URB1: variants seen among roughly 807,000 people sequenced by gnomAD.
URB1 encodes URB1 ribosome biogenesis factor.
Under a neutral mutation model 242.3 loss-of-function variants are expected in URB1, and 197 were observed. The ratio of observed to expected loss-of-function variants is 0.81; its 90% CI spans 0.72 to 0.91. URB1 has a LOEUF of 0.91. URB1 is among the 40% of genes least tolerant of loss of function. URB1 has a pLI of 0.00. For missense variants in URB1, 2,721 were observed against 2,860.5 expected (o/e 0.95, Z 1.11); for synonymous variants, 1,153 against 1,201.8 (o/e 0.96, Z 0.84).
At chr21:32,386,324 T>A (rs1239671845) in intron 1 of URB1, among the ~76,000 whole-genome samples, 7 of 152,150 alleles carry the variant, frequency 4.6e-5, no homozygotes, top group Admixed American at 4.6e-4. Context: ...CCTCTCTGCA[T>A]GTGGATAGAG....
intron 15 of URB1, among the ~76,000 whole-genome samples, chr21:32,355,858 A>G (rs1275768073): frequency 1.3e-5 from 2 of 152,120 alleles, no homozygotes; most frequent in Non-Finnish European, 2.9e-5. Context: ...TGATCTGCCT[A>G]CCTTGGCCTC....
chr21:32,312,954 T>C lies in URB1; in HGVS notation c.*1964A>G, dbSNP rs1024173123. ...TGAGATTCCCTTCCTCCACACTAAG[T>C]GACTGGAAAATACACGAACAAGGTC... On this transcript the variant is annotated 3_prime_UTR_variant, in exon 39 of 39. Transcript: ENST00000382751. The C allele has an allele frequency of 6.6e-6, 1 of 152,242 alleles. No homozygotes were observed. The highest frequency in any genetic ancestry group is 2.4e-5 in the African/African-American group (1 of 41,522). 9.4% of individuals were successfully genotyped at this position (152,242 alleles called of 1,614,324 possible).
In URB1 at chr21:32,324,473, T is replaced by C. The variant is rs200023928; in HGVS notation, c.5233+18A>G. On this transcript the variant is annotated intron_variant, in intron 32 of 38. Coordinates refer to ENST00000382751, the MANE Select transcript of URB1 (RefSeq NM_014825.3). ...TCAGCTTTTCAATTTCCCCTCAACC[T>C]AATTATGTCAGTGGTACCTGGTTTC... 822 of 1,542,040 alleles carry C rather than the reference T, an allele frequency of 5.3e-4. 4 individuals carry two copies. Among genetic ancestry groups the C allele is most frequent in the Non-Finnish European group, 3.9e-4 (443 of 1,138,006 alleles).
In URB1 at chr21:32,339,015, G is replaced by C. The variant is rs1310143896; in HGVS notation, c.4317-115C>G. On this transcript the variant is annotated intron_variant, in intron 25 of 38. Coordinates refer to ENST00000382751, the MANE Select transcript of URB1 (RefSeq NM_014825.3). ...TATTTATTTATTTATTTTTGAGATG[G>C]AGTCTCATTCATTCTATTGCCCAGG... The C allele has an allele frequency of 1.3e-5, 15 of 1,130,660 alleles. No homozygotes were observed. In the East Asian group the frequency reaches 4.0e-4, roughly 30 times the overall value. 70.0% of individuals were successfully genotyped at this position (1,130,660 alleles called of 1,614,324 possible).
At chr21:32,385,475 T>C (rs1327543887) in intron 2 of URB1, 70 bp downstream of exon 2, 22 of 1,503,306 alleles carry the variant, frequency 1.5e-5, no homozygotes, top group Non-Finnish European at 1.9e-5. Flanking sequence ...CTATCACATT[T>C]TTCCTCATCA....
chr21:32,386,920 G>T (rs569450511), intron 1 of URB1, among the ~76,000 whole-genome samples: 2 of 152,168 alleles, frequency 1.3e-5, no homozygotes, highest in Non-Finnish European at 2.9e-5. Flanking sequence ...TCCACGAACT[G>T]GATGATTCCT....
chr21:32,379,970 C>T (rs1359523053), intron 4 of URB1, among the ~76,000 whole-genome samples: 1 of 150,712 alleles, frequency 6.6e-6, no homozygotes, highest in African/African-American at 2.4e-5. Flanking sequence ...CAGAGCGAGA[C>T]TCCATCTCAA....
In URB1 at chr21:32,334,256, C is replaced by A. The variant is rs1463009561; in HGVS notation, c.4764G>T (p.Pro1588=). ...GCAGGCGAAGGATGTCCCCGACACTCGGCTGCTGCCACAGTGACCTGCCCA... is the reference window on the plus strand; with the variant it reads ...GCAGGCGAAGGATGTCCCCGACACTAGGCTGCTGCCACAGTGACCTGCCCA... ...RSLGRSLWQQ[P]SVGDILRLLD... Residue 1588 remains proline (P), a synonymous_variant, in exon 29 of 39, where the codon CCG becomes CCT. Transcript: ENST00000382751. 1 of 1,551,530 alleles carries A rather than the reference C, an allele frequency of 6.4e-7. No individual in the cohort carries two copies. The highest frequency in any genetic ancestry group is 2.0e-5 in the Admixed American group (1 of 51,002).
In URB1 at chr21:32,345,531, G is replaced by A; in HGVS notation, c.3913C>T (p.Gln1305Ter). 6.5e-7 allele frequency: 1 copy of A among 1,550,144 alleles called. No homozygotes were observed. The highest frequency in any genetic ancestry group is 1.4e-5 in the African/African-American group (1 of 73,128). Residue 1305 changes from glutamine to a stop codon, truncating the protein, a stop_gained, in exon 23 of 39, where the codon CAG (glutamine) becomes TAG (stop). Coordinates refer to ENST00000382751, the MANE Select transcript of URB1 (RefSeq NM_014825.3). LOFTEE classifies it high-confidence loss of function. ...IPVLRKTLWRQLQSRLLSTDS... is the reference protein window; with the variant it reads ...IPVLRKTLWR ...GTGCTAAGAAGCCTGCTCTGTAGCT[G>A]CCTCCACAGGGTCTTCCTCAAGACA...
At chr21:32,319,998 C>A (rs2032745086) in intron 35 of URB1, among the ~76,000 whole-genome samples, 1 of 152,186 alleles carries the variant, frequency 6.6e-6, no homozygotes, top group African/African-American at 2.4e-5. Flanking sequence ...TTCAGACAGT[C>A]TCAAACAGCA....
intron 1 of URB1, among the ~76,000 whole-genome samples, chr21:32,388,370 G>A (rs1043405659): frequency 1.3e-5 from 2 of 152,198 alleles, no homozygotes; most frequent in East Asian, 3.8e-4. Flanking sequence ...GCAGCCCCCC[G>A]GGTGTCCTCA....
At position 32,349,371 on chromosome 21, in the gene URB1, G is replaced by A; in HGVS notation, c.2945C>T (p.Ala982Val). 1 of 1,551,516 alleles carries A rather than the reference G, an allele frequency of 6.4e-7. No individual in the cohort carries two copies. Among genetic ancestry groups the A allele is most frequent in the South Asian group, 1.2e-5 (1 of 84,056 alleles). ...CAGGAAGAGGTCGGCTTCGGCCCGG[G>A]CGGCCTCGCATCTCTGCTGGTTCTG... is the stretch of plus-strand genomic sequence containing the variant. ...DAQNQQRCEA[A>V]RAEADLFLDM... is the part of the protein sequence containing the mutation. The change falls in exon 21 of 39, where the codon GCC (alanine) becomes GTC (valine). Residue 982 changes from alanine (A) to valine (V), a missense_variant. Ala to Val is a moderately conservative substitution (Grantham distance 64). Transcript: ENST00000382751.
intron 28 of URB1, among the ~76,000 whole-genome samples, chr21:32,334,872 A>G (rs2123562506): frequency 6.6e-6 from 1 of 152,216 alleles, no homozygotes; most frequent in East Asian, 1.9e-4. Flanking sequence ...GGCTAAGCCC[A>G]CCATGTGTGT....
rs981528100 is a variant in URB1, at chr21:32,370,642, A to G, written c.1001+1865T>C. On this transcript the variant is annotated intron_variant, in intron 8 of 38. Transcript: ENST00000382751. Reference sequence around the variant, plus strand: ...GGATGCCTAACCCAGTGAAGGTCTCAGAGCTAAGTTGGGATTGAAGCCCAG... The same window carrying G: ...GGATGCCTAACCCAGTGAAGGTCTCGGAGCTAAGTTGGGATTGAAGCCCAG... Among the ~76,000 whole-genome samples the G allele has an allele frequency of 2.6e-5, 4 of 152,242 alleles. No individual in the cohort carries two copies. In the East Asian group the frequency reaches 7.7e-4, roughly 29 times the overall value.
intron 4 of URB1, among the ~76,000 whole-genome samples, chr21:32,380,686 C>T (rs756649353): frequency 8.1e-6 from 1 of 122,710 alleles, no homozygotes; most frequent in African/African-American, 3.1e-5. Context: ...CTAATTCAAG[C>T]AGTTAATTTT....
chr21:32,353,433 G>A (rs1214208050), intron 18 of URB1, among the ~76,000 whole-genome samples: 2 of 152,128 alleles, frequency 1.3e-5, no homozygotes, highest in Admixed American at 6.5e-5. Context: ...AGAGCCACCT[G>A]GCCTGTATTG....
At chr21:32,360,315 C>A (rs551687622) in intron 13 of URB1, among the ~76,000 whole-genome samples, 1 of 152,220 alleles carries the variant, frequency 6.6e-6, no homozygotes, top group Non-Finnish European at 1.5e-5. Context: ...TTCTCATCCT[C>A]TAGCCGGCTC....
intron 30 of URB1, among the ~76,000 whole-genome samples, chr21:32,331,765 C>T (rs2032895305): frequency 6.6e-6 from 1 of 152,244 alleles, no homozygotes. Context: ...CCAGCCACAC[C>T]AGCAAAGGTG....
chr21:32,354,134 G>T (rs1319283426), intron 17 of URB1, 31 bp from the exon 18 acceptor site: 1 of 1,550,770 alleles, frequency 6.4e-7, no homozygotes, highest in Admixed American at 2.0e-5. Flanking sequence ...TCCAGCTGAT[G>T]TGAGAGCCAC....
Sources: gnomAD v4.1 joint callset for allele counts (sites outside exome capture counted in the v4.1 genomes callset) on GRCh38, gnomAD v4.1.1 for gene constraint, MANE v1.5 for transcripts, NCBI Gene and HGNC (gene_info 2026-07-23, HGNC 2026-07-21) for gene names.